ANK2: variants seen among roughly 807,000 people sequenced by gnomAD.
ANK2 encodes the protein ankyrin-2.
Under a neutral mutation model 360.5 loss-of-function variants are expected in ANK2, and 83 were observed. The observed-to-expected ratio is 0.23, with a 90% CI of 0.19 to 0.28. The LOEUF (loss-of-function observed/expected upper bound fraction) is 0.28. ANK2 is among the 10% of genes least tolerant of loss of function. ANK2 has a pLI of 1.00. For synonymous variants in ANK2, 1,740 were observed against 1,759.5 expected (o/e 0.99, Z 0.28); for missense variants, 4,201 against 4,795.7 (o/e 0.88, Z 3.66).
intron 1 of ANK2, among the ~76,000 whole-genome samples, chr4:113,086,578 G>A (rs1457981109): frequency 1.3e-5 from 2 of 152,170 alleles, no homozygotes; most frequent in Non-Finnish European, 2.9e-5. Context: ...GGTGGGGCTA[G>A]ACAATTAACA....
At chr4:112,990,534 G>C (rs564490337) in intron 2 of ANK2, among the ~76,000 whole-genome samples, 2 of 151,840 alleles carry the variant, frequency 1.3e-5, no homozygotes, top group South Asian at 4.2e-4. Flanking sequence ...ACATATCTAT[G>C]TCTGGGTGTG....
At chr4:112,829,421 G>GAAGGC (rs1560693059) in intron 1 of ANK2, among the ~76,000 whole-genome samples, 1 of 135,908 alleles carries the variant, frequency 7.4e-6, no homozygotes, top group Non-Finnish European at 1.5e-5. Context: ...TTTGGGAGGC[G>GAAGGC]AAGGCAGAAG....
rs564548297 is a variant in ANK2, at chr4:113,194,737, A to G, written c.187-1631A>G. ...GGAACTCACAGATCTGCAAAGCCCAATATCTTGCTCACAATAAGAGCTCAA... is the reference window on the plus strand; with the variant it reads ...GGAACTCACAGATCTGCAAAGCCCAGTATCTTGCTCACAATAAGAGCTCAA... On this transcript the variant is annotated intron_variant, in intron 2 of 45. Coordinates refer to ENST00000357077, the MANE Select transcript of ANK2 (RefSeq NM_001148.6). Among the ~76,000 whole-genome samples, 8 of 152,262 alleles carry G rather than the reference A, an allele frequency of 5.3e-5. No individual in the cohort carries two copies. In the South Asian group the frequency reaches 1.5e-3, roughly 28 times the overall value.
At position 113,246,039 on chromosome 4, in the gene ANK2, G is replaced by A. The variant is rs183517264; in HGVS notation, c.892-3725G>A. Among the ~76,000 whole-genome samples the A allele has an allele frequency of 7.9e-3, 1,206 of 152,194 alleles. 12 individuals are homozygous for A. The highest frequency in any genetic ancestry group is 0.013 in the Non-Finnish European group (856 of 68,006). ...TCAAACTCCTGACCTCAGGTGATCT[G>A]CCCGCCTTGGCCTCCCAAAGTGCTG... On this transcript the variant is annotated intron_variant, in intron 9 of 45. Coordinates refer to ENST00000357077, the MANE Select transcript of ANK2 (RefSeq NM_001148.6).
chr4:112,865,186 A>C lies in ANK2; in HGVS notation c.-39-39269A>C, dbSNP rs75338503. ...ACTTCATCTGCTGTCAAAGTAATGGAGAAAACTCTGGTTTAGCATTAGAAA... is the reference window on the plus strand; with the variant it reads ...ACTTCATCTGCTGTCAAAGTAATGGCGAAAACTCTGGTTTAGCATTAGAAA... On this transcript the variant is annotated intron_variant, in intron 1 of 30. Coordinates refer to the ANK2 transcript ENST00000503271. Among the ~76,000 whole-genome samples the C allele has an allele frequency of 7.0e-3, 1,071 of 152,076 alleles. 16 individuals carry two copies. The highest frequency in any genetic ancestry group is 0.024 in the African/African-American group (1,002 of 41,500).
At chr4:112,878,629 A>C (rs1348766207) in intron 1 of ANK2, among the ~76,000 whole-genome samples, 1 of 149,546 alleles carries the variant, frequency 6.7e-6, no homozygotes, top group African/African-American at 2.5e-5. Flanking sequence ...CCCAGCCCTG[A>C]CTCTTATTAA....
At chr4:113,036,439 G>A (rs528453510) in intron 2 of ANK2, among the ~76,000 whole-genome samples, 38 of 151,994 alleles carry the variant, frequency 2.5e-4, no homozygotes, top group African/African-American at 8.4e-4. Context: ...AGGACAGCAT[G>A]AGGCTTAAAA....
chr4:113,189,284 G>T (rs1295141396), intron 2 of ANK2, among the ~76,000 whole-genome samples: 2 of 152,244 alleles, frequency 1.3e-5, no homozygotes, highest in Middle Eastern at 3.4e-3. Flanking sequence ...AGCTTTTATT[G>T]TCTAATGCTC....
At chr4:113,258,279 AGAG>A in intron 12 of ANK2, 31 bp from the exon 13 acceptor site, 1 of 1,606,202 alleles carries the variant, frequency 6.2e-7, no homozygotes, top group Non-Finnish European at 8.5e-7. Context: ...CCACCGGTGC[AGAG>A]GAGTAAAACT....
chr4:113,195,506 G>A (rs540897551), intron 2 of ANK2, among the ~76,000 whole-genome samples: 2 of 152,028 alleles, frequency 1.3e-5, no homozygotes, highest in South Asian at 4.2e-4. Flanking sequence ...CATTACTTGG[G>A]TCTATATGAT....
intron 2 of ANK2, among the ~76,000 whole-genome samples, chr4:113,025,928 T>G (rs1376999844): frequency 6.6e-6 from 1 of 152,212 alleles, no homozygotes; most frequent in Non-Finnish European, 1.5e-5. Context: ...TTATGTCACT[T>G]TCATGGGCAT....
chr4:112,891,317 A>T (rs2079965707), intron 1 of ANK2, among the ~76,000 whole-genome samples: 1 of 152,228 alleles, frequency 6.6e-6, no homozygotes, highest in Non-Finnish European at 1.5e-5. Flanking sequence ...AATAAAATCT[A>T]CAAAATTAAT....
At chr4:113,185,559 T>C (rs896651360) in intron 2 of ANK2, among the ~76,000 whole-genome samples, 2 of 152,236 alleles carry the variant, frequency 1.3e-5, no homozygotes, top group African/African-American at 2.4e-5. Flanking sequence ...TTTGATGGCA[T>C]TGTTTTTTTC....
intron 33 of ANK2, 67 bp from the exon 34 acceptor site, chr4:113,342,950 C>T (rs1023522952): frequency 6.3e-7 from 1 of 1,598,500 alleles, no homozygotes; most frequent in African/African-American, 1.3e-5. Flanking sequence ...AGTACTACCA[C>T]TTCTTTGTGT....
rs2153688509 is a variant in ANK2, at chr4:113,274,549, C to T, written c.1583C>T (p.Thr528Ile). ...QHMAHPDAAT[T>I]NGYTPLHISA... is the part of the protein sequence containing the mutation. Reference sequence around the variant, plus strand: ...ATGGCTCATCCAGATGCGGCCACTACAAATGGGTACACACCACTGCACATC... The same window carrying T: ...ATGGCTCATCCAGATGCGGCCACTATAAATGGGTACACACCACTGCACATC... Residue 528 changes from threonine (T) to isoleucine (I), a missense_variant, in exon 15 of 46, where the codon ACA becomes ATA. By Grantham distance (89) the Thr-to-Ile change is moderately conservative. Transcript: ENST00000357077. 1 of 1,614,186 alleles carries T rather than the reference C, an allele frequency of 6.2e-7. No homozygotes were observed. Among genetic ancestry groups the T allele is most frequent in the Non-Finnish European group, 8.5e-7 (1 of 1,180,032 alleles).
intron 2 of ANK2, among the ~76,000 whole-genome samples, chr4:113,036,812 C>A (rs986297822): frequency 9.2e-5 from 14 of 151,780 alleles, no homozygotes; most frequent in African/African-American, 3.4e-4. Flanking sequence ...GCAAGCAGCA[C>A]AGAGAAGCAA....
intron 10 of ANK2, among the ~76,000 whole-genome samples, chr4:113,251,925 C>T (rs755098370): frequency 2.6e-5 from 4 of 152,120 alleles, no homozygotes; most frequent in Non-Finnish European, 5.9e-5. Context: ...GGGGATACCG[C>T]TCTCCTGGGA....
chr4:112,831,616 G>T (rs2149678299), intron 1 of ANK2, among the ~76,000 whole-genome samples: 1 of 152,338 alleles, frequency 6.6e-6, no homozygotes, highest in African/African-American at 2.4e-5. Flanking sequence ...CAGGATGTGG[G>T]TGGGGTCACA....
intron 2 of ANK2, chr4:113,034,083 A>G (rs924904121): frequency 6.6e-6 from 1 of 151,982 alleles, no homozygotes; most frequent in African/African-American, 2.4e-5. Flanking sequence ...TTCAAGAGGA[A>G]GAAGCTCTGA....
Sources: gnomAD v4.1 joint callset for allele counts (sites outside exome capture counted in the v4.1 genomes callset) on GRCh38, gnomAD v4.1.1 for gene constraint, MANE v1.5 for transcripts, NCBI Gene and HGNC (gene_info 2026-07-23, HGNC 2026-07-21) for gene names.